The following RIMS1 variants were observed in gnomAD, a reference collection of about 807,000 sequenced individuals.
The protein encoded by RIMS1 is regulating synaptic membrane exocytosis 1.
A neutral mutation model predicts 214.1 loss-of-function variants in RIMS1; 83 were observed. The ratio of observed to expected loss-of-function variants is 0.39; its 90% CI spans 0.32 to 0.47. RIMS1 has a LOEUF of 0.47. RIMS1 is among the 20% of genes least tolerant of loss of function. The pLI is 0.99. For missense variants in RIMS1, 2,050 were observed against 2,161.8 expected, an observed-to-expected ratio of 0.95 and a Z score of 1.03; for synonymous variants, 793 against 786.8, an observed-to-expected ratio of 1.01 and a Z score of -0.13.
At chr6:71,972,469 A>T (rs1485798435) in intron 2 of RIMS1, among the ~76,000 whole-genome samples, 2 of 152,166 alleles carry the variant, frequency 1.3e-5, no homozygotes, top group East Asian at 3.9e-4. Context: ...CACTTGGTGT[A>T]TTCTATTATG....
At chr6:72,203,864 T>C (rs112368095) in intron 6 of RIMS1, among the ~76,000 whole-genome samples, 3,593 of 152,278 alleles carry the variant, frequency 0.024, 125 homozygotes, top group African/African-American at 0.081. Context: ...AGTATTGTTA[T>C]TGGCAAATCT....
chr6:72,262,301 C>T, intron 19 of RIMS1: 1 of 917,836 alleles, frequency 1.1e-6, no homozygotes, highest in Non-Finnish European at 1.3e-6. Flanking sequence ...ATTCTGAGCT[C>T]CACAAGTCCT....
At chr6:72,258,432 T>C (rs569968886) in intron 17 of RIMS1, among the ~76,000 whole-genome samples, 151 bp downstream of exon 17, 1 of 152,338 alleles carries the variant, frequency 6.6e-6, no homozygotes, top group Non-Finnish European at 1.5e-5. Flanking sequence ...TTATTCTTTA[T>C]CCAACCTATG....
At chr6:72,274,524 G>A (rs1039546590) in intron 23 of RIMS1, 92 bp downstream of exon 23, 1 of 965,390 alleles carries the variant, frequency 1.0e-6, no homozygotes, top group Non-Finnish European at 1.6e-6. Context: ...TGAATATGAT[G>A]TACTTTATTC....
chr6:72,381,436 T>A (rs547928214), intron 29 of RIMS1, among the ~76,000 whole-genome samples: 73 of 152,364 alleles, frequency 4.8e-4, no homozygotes, highest in South Asian at 2.1e-3. Context: ...ATTGAAGCTG[T>A]GAAATCAAAC....
intron 2 of RIMS1, among the ~76,000 whole-genome samples, chr6:72,037,042 A>C (rs1160589405): frequency 6.6e-6 from 1 of 152,160 alleles, no homozygotes; most frequent in Non-Finnish European, 1.5e-5. Flanking sequence ...TCCAGCTATC[A>C]GGCCCAGAAC....
intron 1 of RIMS1, among the ~76,000 whole-genome samples, chr6:71,911,697 T>A (rs995752533): frequency 6.6e-6 from 1 of 152,184 alleles, no homozygotes; most frequent in African/African-American, 2.4e-5. Flanking sequence ...AGTTTTGAGA[T>A]CTTTGCTTAA....
intron 19 of RIMS1, chr6:72,263,233 A>G (rs2078857432): frequency 1.0e-6 from 1 of 984,690 alleles, no homozygotes; most frequent in African/African-American, 1.7e-5. Context: ...CTGTATGTTT[A>G]GTTTCTTTTC....
rs1361266761 is a variant in RIMS1 at position 72,179,722 on chromosome 6, G to A, written c.619G>A (p.Glu207Lys). 2 of 1,613,692 alleles carry A rather than the reference G, an allele frequency of 1.2e-6. No homozygotes were observed. Among genetic ancestry groups the A allele is most frequent in the Admixed American group, 3.3e-5 (2 of 60,016 alleles). The part of the protein sequence containing the change: ...ATGAGSEVPR[E>K]KKARLQERSR... ...AGGTGCTGGCTCTGAGGTACCAAGAGAAAAGAAAGCACGACTCCAAGAGCG... is the reference window on the plus strand; with the variant it reads ...AGGTGCTGGCTCTGAGGTACCAAGAAAAAAGAAAGCACGACTCCAAGAGCG... Residue 207 changes from glutamate (E) to lysine (K), a missense_variant, in exon 5 of 34, where the codon GAA becomes AAA. Around this residue, in one of 6 missense-constraint regions of RIMS1, gnomAD observed 882 missense variants for 828.9 expected, o/e 1.06. Transcript: ENST00000521978.
chr6:72,150,549 T>C (rs72936951), intron 4 of RIMS1, among the ~76,000 whole-genome samples: 8,089 of 152,314 alleles, frequency 0.053, 294 homozygotes, highest in Middle Eastern at 0.1. Flanking sequence ...TTCAAGAATA[T>C]TTGACTCCAT....
At chr6:72,042,375 C>G (rs569898007) in intron 2 of RIMS1, among the ~76,000 whole-genome samples, 2 of 151,888 alleles carry the variant, frequency 1.3e-5, no homozygotes, top group African/African-American at 4.8e-5. Flanking sequence ...TCTACTGTTA[C>G]TTACAAAGAT....
intron 2 of RIMS1, 56 bp downstream of exon 2, chr6:71,969,119 G>A (rs1415369365): frequency 6.6e-7 from 1 of 1,523,180 alleles, no homozygotes; most frequent in Non-Finnish European, 9.1e-7. Flanking sequence ...ACAGATCATG[G>A]TTACAGATTT....
chr6:71,946,481 A>T (rs753101120), intron 1 of RIMS1, among the ~76,000 whole-genome samples: 2 of 152,206 alleles, frequency 1.3e-5, no homozygotes, highest in Non-Finnish European at 1.5e-5. Context: ...AAATTCATGC[A>T]TTTATGGTCA....
At chr6:71,926,525 T>A (rs930178547) in intron 1 of RIMS1, among the ~76,000 whole-genome samples, 4 of 152,210 alleles carry the variant, frequency 2.6e-5, no homozygotes, top group African/African-American at 9.6e-5. Context: ...GCTGATTTAA[T>A]TTTTACATGT....
intron 4 of RIMS1, among the ~76,000 whole-genome samples, chr6:72,158,719 TC>T (rs2044819583): frequency 7.2e-6 from 1 of 139,232 alleles, no homozygotes; most frequent in African/African-American, 2.5e-5. Context: ...TTCATCCATG[TC>T]CCTACAAAGG....
intron 4 of RIMS1, among the ~76,000 whole-genome samples, chr6:72,158,215 G>A (rs1245807077): frequency 7.1e-6 from 1 of 139,986 alleles, no homozygotes; most frequent in Non-Finnish European, 1.6e-5. Flanking sequence ...TTCACTTTTT[G>A]TTTGAATCAA....
At chr6:72,357,653 G>T (rs188001372) in intron 29 of RIMS1, among the ~76,000 whole-genome samples, 2 of 152,120 alleles carry the variant, frequency 1.3e-5, no homozygotes, top group African/African-American at 4.8e-5. Context: ...AAGCTCTTCA[G>T]TCTATGGTTC....
In RIMS1 at chr6:72,233,845, G is replaced by A; in HGVS notation, c.1746+5G>A. Reference sequence around the variant, plus strand: ...GAGACATCACCTATTAGTTCGGTAAGTTTTCTGGAAAGTGTGTTTGGAGTT... The same window carrying A: ...GAGACATCACCTATTAGTTCGGTAAATTTTCTGGAAAGTGTGTTTGGAGTT... On this transcript the variant is annotated splice_donor_5th_base_variant and intron_variant, in intron 7 of 33. Coordinates refer to ENST00000521978, the MANE Select transcript of RIMS1 (RefSeq NM_014989.7). 4 of 1,567,706 alleles carry A rather than the reference G, an allele frequency of 2.6e-6. No homozygotes were observed. The highest frequency in any genetic ancestry group is 3.5e-6 in the Non-Finnish European group (4 of 1,152,850).
intron 5 of RIMS1, among the ~76,000 whole-genome samples, chr6:72,180,863 A>T (rs933278578): frequency 2.0e-5 from 3 of 152,242 alleles, no homozygotes; most frequent in Non-Finnish European, 4.4e-5. Flanking sequence ...AAAGTTAAAT[A>T]GGTCTGGATT....
Sources: gnomAD v4.1 joint callset for allele counts (sites outside exome capture counted in the v4.1 genomes callset) on GRCh38, gnomAD v4.1.1 for gene constraint, gnomAD v4.1.1 regional missense constraint, MANE v1.5 for transcripts, NCBI Gene and HGNC (gene_info 2026-07-23, HGNC 2026-07-21) for gene names.